The following PLD1 variants were observed in gnomAD, a reference collection of about 807,000 sequenced individuals.
The protein encoded by PLD1 is phospholipase D1, also known as choline phosphatase 1.
Under a neutral mutation model 137.1 loss-of-function variants are expected in PLD1, and 112 were observed. The observed-to-expected ratio is 0.82, with a 90% confidence interval of 0.70 to 0.96. The LOEUF (loss-of-function observed/expected upper bound fraction) is 0.96, where lower values mean the gene tolerates loss of function less well. Ranked by LOEUF, PLD1 falls within the 40% of genes least tolerant of loss-of-function variation. The pLI, the probability that PLD1 is intolerant of heterozygous loss-of-function variation, is 0.00. For missense variants in PLD1, 1,321 were observed against 1,342.0 expected (o/e 0.98, Z 0.24); for synonymous variants, 431 against 454.7 (o/e 0.95, Z 0.66).
intron 19 of PLD1, among the ~76,000 whole-genome samples, chr3:171,663,093 C>T (rs1381221789): frequency 6.6e-6 from 1 of 152,208 alleles, no homozygotes; most frequent in Non-Finnish European, 1.5e-5. Context: ...ATTTCAAATA[C>T]CCCACTGGCC....
intron 21 of PLD1, among the ~76,000 whole-genome samples, chr3:171,654,957 C>T (rs1737066534): frequency 6.6e-6 from 1 of 152,092 alleles, no homozygotes; most frequent in African/African-American, 2.4e-5. Flanking sequence ...GTGAGAGGAA[C>T]TGAGAAATTG....
At chr3:171,708,028 A>G (rs1716834723) in intron 11 of PLD1, among the ~76,000 whole-genome samples, 1 of 152,244 alleles carries the variant, frequency 6.6e-6, no homozygotes, top group South Asian at 2.1e-4. Context: ...TCAGGCAACT[A>G]CTACTAAGTT....
chr3:171,643,474 A>G (rs1422925473), intron 22 of PLD1, among the ~76,000 whole-genome samples: 1 of 151,962 alleles, frequency 6.6e-6, no homozygotes, highest in Admixed American at 6.6e-5. Context: ...TGCTTGCTCT[A>G]TGAGAGTAAT....
chr3:171,731,409 T>G (rs6773632), intron 6 of PLD1, among the ~76,000 whole-genome samples: 54,814 of 151,944 alleles, frequency 0.36, 10,994 homozygotes, highest in African/African-American at 0.52. Context: ...AGAGAATTAA[T>G]GTATATCAAA....
In PLD1 at chr3:171,683,472, C is replaced by A. The variant is rs531244912; in HGVS notation, c.1867+3213G>T. On this transcript the variant is annotated intron_variant, in intron 16 of 26. Coordinates refer to ENST00000351298, the MANE Select transcript of PLD1 (RefSeq NM_002662.5). ...CTTCACTACAGCCGTATTCCTGGAA[C>A]ACACCCAACCCCTCTACCTCATGGC... Among the ~76,000 whole-genome samples the A allele has an allele frequency of 1.0e-3, 157 of 152,140 alleles. 1 individual carries two copies. The highest frequency in any genetic ancestry group is 2.0e-3 in the Non-Finnish European group (135 of 68,018).
chr3:171,762,436 T>G (rs1303531144), intron 1 of PLD1, among the ~76,000 whole-genome samples: 1 of 152,170 alleles, frequency 6.6e-6, no homozygotes, highest in Non-Finnish European at 1.5e-5. Context: ...GGGGCTGGGA[T>G]GGGGTTTAGG....
At chr3:171,696,556 T>G (rs530444998) in intron 12 of PLD1, among the ~76,000 whole-genome samples, 5 of 152,226 alleles carry the variant, frequency 3.3e-5, no homozygotes, top group Non-Finnish European at 7.3e-5. Context: ...AAACATTCAT[T>G]TTAATAAACC....
intron 1 of PLD1, among the ~76,000 whole-genome samples, chr3:171,781,117 C>T (rs975876553): frequency 1.3e-5 from 2 of 151,474 alleles, no homozygotes; most frequent in Non-Finnish European, 2.9e-5. Context: ...ACAGGATCAA[C>T]AAATAGATCA....
chr3:171,767,430 C>T (rs1028125785), intron 1 of PLD1, among the ~76,000 whole-genome samples: 2 of 152,222 alleles, frequency 1.3e-5, no homozygotes, highest in East Asian at 3.8e-4. Flanking sequence ...GTCAACAGAG[C>T]ATCTTCTAAA....
chr3:171,800,626 T>G (rs1255111979), intron 1 of PLD1, among the ~76,000 whole-genome samples: 1 of 152,200 alleles, frequency 6.6e-6, no homozygotes, highest in Non-Finnish European at 1.5e-5. Flanking sequence ...CTGGACCCAA[T>G]CTCTACTCCA....
chr3:171,604,589 G>A (rs1280006024), intron 26 of PLD1, among the ~76,000 whole-genome samples: 2 of 152,048 alleles, frequency 1.3e-5, no homozygotes, highest in Admixed American at 1.3e-4. Flanking sequence ...GCTACTTTTC[G>A]AAGTAAGCTG....
At chr3:171,728,271 G>A (rs1302302912) in intron 6 of PLD1, among the ~76,000 whole-genome samples, 2 of 152,154 alleles carry the variant, frequency 1.3e-5, no homozygotes, top group Admixed American at 6.5e-5. Context: ...AGCGGAGATC[G>A]TGCCCCTGCA....
chr3:171,697,882 T>C (rs1434686103), intron 12 of PLD1, among the ~76,000 whole-genome samples: 1 of 152,238 alleles, frequency 6.6e-6, no homozygotes, highest in Non-Finnish European at 1.5e-5. Context: ...TTAAGAATCA[T>C]GGCTTTTATT....
chr3:171,637,372 A>C (rs944487636), intron 23 of PLD1, among the ~76,000 whole-genome samples: 1 of 151,916 alleles, frequency 6.6e-6, no homozygotes, highest in Non-Finnish European at 1.5e-5. Context: ...AGTAGCTGGG[A>C]CTACAGGTGC....
At chr3:171,742,430 T>G (rs1385461770) in intron 1 of PLD1, among the ~76,000 whole-genome samples, 3 of 152,116 alleles carry the variant, frequency 2.0e-5, no homozygotes, top group Non-Finnish European at 4.4e-5. Flanking sequence ...CAACCCACAT[T>G]CACTCTATGA....
At chr3:171,684,590 T>C (rs1192448935) in intron 16 of PLD1, among the ~76,000 whole-genome samples, 3 of 152,192 alleles carry the variant, frequency 2.0e-5, no homozygotes, top group Admixed American at 1.3e-4. Context: ...TTTTCAAAAA[T>C]TTAAAAATTG....
chr3:171,621,383 C>T (rs769825266), intron 23 of PLD1, among the ~76,000 whole-genome samples: 22 of 152,070 alleles, frequency 1.4e-4, no homozygotes, highest in Non-Finnish European at 5.9e-5. Context: ...TGGAGTGGAA[C>T]CAAACTATCA....
chr3:171,620,742 C>CTCTCTCTCTCTCTCTCTCTATA (rs1473647659), intron 23 of PLD1, among the ~76,000 whole-genome samples: 1 of 94,794 alleles, frequency 1.1e-5, no homozygotes, highest in African/African-American at 4.3e-5. Context: ...CTCTCTCTCT[C>CTCTCTCTCTCTCTCTCTCTATA]TATATATATA....
At position 171,603,182 on chromosome 3, in the gene PLD1, G is replaced by T. The variant is rs1275391238; in HGVS notation, c.3121C>A (p.Arg1041Ser). 1.2e-5 allele frequency: 19 copies of T among 1,613,914 alleles called. No individual in the cohort carries two copies. The highest frequency in any genetic ancestry group is 1.4e-5 in the Non-Finnish European group (16 of 1,179,930). Residue 1041 changes from arginine to serine, a missense_variant, in exon 27 of 27, where the codon CGT becomes AGT. Transcript: ENST00000351298. Reference protein sequence around the residue: ...IRAEEELKKIRGFLVQFPFYF... With the variant: ...IRAEEELKKISGFLVQFPFYF... The stretch of plus-strand genomic sequence containing the variant: ...AAGGGGAATTGCACCAAAAATCCAC[G>T]GATCTTCTTCAGTTCCTCCTCAGCT...
Sources: gnomAD v4.1 joint callset for allele counts (sites outside exome capture counted in the v4.1 genomes callset) on GRCh38, gnomAD v4.1.1 for gene constraint, MANE v1.5 for transcripts, NCBI Gene and HGNC (gene_info 2026-07-23, HGNC 2026-07-21) for gene names.